The following USP10 variants were observed in gnomAD, a reference collection of about 807,000 sequenced individuals.
USP10 encodes the protein ubiquitin specific peptidase 10.
USP10 carries 22 observed loss-of-function variants against 84.5 expected under a neutral mutation model. That is an observed-to-expected ratio of 0.26 (90% CI 0.19 to 0.37). USP10 has a LOEUF of 0.37. Among genes scored for constraint, USP10 ranks in the 10% least tolerant of loss-of-function variants. USP10 has a pLI of 1.00. For missense variants in USP10, 1,019 were observed against 998.9 expected (o/e 1.02, Z -0.27); for synonymous variants, 454 against 387.6 (o/e 1.17, Z -2.01).
chr16:84,775,131 C>G, intron 12 of USP10, 29 bp from the exon 13 acceptor site: 1 of 1,608,072 alleles, frequency 6.2e-7, no homozygotes, highest in South Asian at 1.1e-5. Context: ...TCTAAAAGTG[C>G]TTCAAGCCAT....
In USP10 at chr16:84,768,253, G is replaced by A; in HGVS notation, c.1893G>A (p.Leu631=). Reference sequence around the variant, plus strand: ...CCACTTTGCAGCCATTTTTCACGTTGCAGTTGGATATCCAGTCAGACAAGA... The same window carrying A: ...CCACTTTGCAGCCATTTTTCACGTTACAGTTGGATATCCAGTCAGACAAGA... ...ESATLQPFFT[L]QLDIQSDKIR... is the part of the protein sequence containing the mutation. Residue 631 remains leucine (L), a synonymous_variant, in exon 11 of 14, where the codon TTG becomes TTA. Transcript: ENST00000219473. The A allele has an allele frequency of 6.2e-7, 1 of 1,604,888 alleles. No individual in the cohort carries two copies. Among genetic ancestry groups the A allele is most frequent in the Non-Finnish European group, 8.5e-7 (1 of 1,175,182 alleles).
chr16:84,751,463 C>G (rs1168065461), intron 4 of USP10, among the ~76,000 whole-genome samples: 2 of 152,332 alleles, frequency 1.3e-5, no homozygotes, highest in East Asian at 3.8e-4. Context: ...GCGGCGTGAT[C>G]TAAGTTAAAA....
intron 1 of USP10, among the ~76,000 whole-genome samples, chr16:84,710,601 T>C (rs1567589179): frequency 1.3e-5 from 2 of 152,206 alleles, no homozygotes. Context: ...ATCTGTCCCT[T>C]GATTATATTC....
intron 1 of USP10, among the ~76,000 whole-genome samples, chr16:84,725,156 A>G (rs1908293692): frequency 1.3e-5 from 2 of 152,120 alleles, no homozygotes; most frequent in South Asian, 4.1e-4. Flanking sequence ...CATCATCCCC[A>G]AAAGAAAGCT....
intron 1 of USP10, 107 bp downstream of exon 1, chr16:84,700,218 G>T (rs948985381): frequency 2.0e-4 from 181 of 908,936 alleles, no homozygotes; most frequent in Non-Finnish European, 2.3e-4. Context: ...GTGTGGGAGT[G>T]GGGGAGGGCG....
At chr16:84,736,862 C>T (rs1186319413) in intron 2 of USP10, among the ~76,000 whole-genome samples, 1 of 152,188 alleles carries the variant, frequency 6.6e-6, no homozygotes, top group Admixed American at 6.5e-5. Flanking sequence ...GATCTCGGCT[C>T]ACTGCAAGCT....
intron 3 of USP10, among the ~76,000 whole-genome samples, chr16:84,741,741 C>T (rs367936239): frequency 2.0e-5 from 3 of 152,362 alleles, no homozygotes; most frequent in East Asian, 3.9e-4. Flanking sequence ...GCCTGCTTTT[C>T]TCTGCAGCCT....
chr16:84,751,773 A>C (rs995471032), intron 4 of USP10, among the ~76,000 whole-genome samples: 1 of 152,210 alleles, frequency 6.6e-6, no homozygotes. Flanking sequence ...CAGAATGTCG[A>C]TTACGGGCCA....
At chr16:84,766,443 A>G (rs1156590834) in intron 10 of USP10, among the ~76,000 whole-genome samples, 1 of 152,096 alleles carries the variant, frequency 6.6e-6, no homozygotes, top group Non-Finnish European at 1.5e-5. Flanking sequence ...GCTGAGGTCC[A>G]GGTTGGCGCG....
At chr16:84,705,047 G>A (rs1169414015) in intron 1 of USP10, among the ~76,000 whole-genome samples, 1 of 152,204 alleles carries the variant, frequency 6.6e-6, no homozygotes, top group Admixed American at 6.5e-5. Flanking sequence ...CGTTGGGCTT[G>A]TGTGTACAGC....
intron 11 of USP10, among the ~76,000 whole-genome samples, chr16:84,771,054 C>CAAA (rs34058047): frequency 7.7e-6 from 1 of 130,670 alleles, no homozygotes; most frequent in African/African-American, 3.0e-5. Flanking sequence ...GAGACTGTCT[C>CAAA]AAAAAAAAAA....
At chr16:84,763,941 C>G in intron 9 of USP10, 145 bp from the exon 10 acceptor site, 1 of 1,020,368 alleles carries the variant, frequency 9.8e-7, no homozygotes, top group Non-Finnish European at 1.4e-6. Context: ...AGTGACGTTG[C>G]TCCTGTTGCG....
intron 1 of USP10, chr16:84,709,080 G>A (rs1326944001): frequency 1.3e-5 from 2 of 152,232 alleles, no homozygotes; most frequent in Non-Finnish European, 2.9e-5. Context: ...TTACCGAGTG[G>A]CTGCTGTGTA....
At position 84,700,127 on chromosome 16, in the gene USP10, C is replaced by T. The variant is rs759990249; in HGVS notation, c.21+16C>T. 1.5e-6 allele frequency: 2 copies of T among 1,338,612 alleles called. No individual in the cohort carries two copies. The highest frequency in any genetic ancestry group is 2.0e-6 in the Non-Finnish European group (2 of 1,023,230). The allele number at this position is 1,338,612 out of a possible 1,614,324, so 82.9% of individuals were successfully genotyped here. A position where few individuals can be genotyped will look rare whatever the true frequency, so the allele number is the denominator to read the frequency against. On this transcript the variant is annotated intron_variant, in intron 1 of 13. Coordinates refer to ENST00000219473, the MANE Select transcript of USP10 (RefSeq NM_005153.3). ...CAGCCCGCAGGTAGCCGCCGGTCTGCGCCTTCGGCCGGAAGGGGCCCGAGC... is the reference window on the plus strand; with the variant it reads ...CAGCCCGCAGGTAGCCGCCGGTCTGTGCCTTCGGCCGGAAGGGGCCCGAGC...
intron 4 of USP10, among the ~76,000 whole-genome samples, chr16:84,750,440 G>A (rs1911792158): frequency 6.6e-6 from 1 of 150,604 alleles, no homozygotes; most frequent in Admixed American, 6.6e-5. Context: ...TTAATAGCTT[G>A]TGTTTGAAAG....
At chr16:84,759,607 G>A in intron 6 of USP10, 135 bp downstream of exon 6, 1 of 847,980 alleles carries the variant, frequency 1.2e-6, no homozygotes, top group South Asian at 1.7e-5. Flanking sequence ...AAAATAGACT[G>A]TTGGCGATTT....
At chr16:84,704,652 G>A in intron 1 of USP10, 1 of 1,427,734 alleles carries the variant, frequency 7.0e-7, no homozygotes. Context: ...TCAAGGATCA[G>A]AAAATGTAGA....
intron 1 of USP10, chr16:84,704,642 T>C: frequency 7.1e-7 from 1 of 1,409,576 alleles, no homozygotes; most frequent in Non-Finnish European, 9.3e-7. Flanking sequence ...AGTATTTGTT[T>C]CAAGGATCAG....
chr16:84,749,984 C>T (rs928729573), intron 4 of USP10, among the ~76,000 whole-genome samples: 1 of 152,106 alleles, frequency 6.6e-6, no homozygotes, highest in Non-Finnish European at 1.5e-5. Context: ...CAGTGATTTC[C>T]TTTAGCCCCA....
Sources: gnomAD v4.1 joint callset for allele counts (sites outside exome capture counted in the v4.1 genomes callset) on GRCh38, gnomAD v4.1.1 for gene constraint, MANE v1.5 for transcripts, NCBI Gene and HGNC (gene_info 2026-07-23, HGNC 2026-07-21) for gene names.